Variants in DPP10 observed in about 807,000 individuals in gnomAD.
DPP10 encodes inactive dipeptidyl peptidase 10.
DPP10 carries 33 observed loss-of-function variants against 120.9 expected under a neutral mutation model. That is an observed-to-expected ratio of 0.27 (90% CI 0.21 to 0.37). The LOEUF is 0.37. DPP10 is among the 10% of genes least tolerant of loss of function. The probability of loss-of-function intolerance (pLI) is 1.00; values close to 1 mark genes in which losing one functional copy is unlikely to be tolerated. For synonymous variants in DPP10, 337 were observed against 326.1 expected, an observed-to-expected ratio of 1.03 and a Z score of -0.36; for missense variants, 816 against 942.8, an observed-to-expected ratio of 0.87 and a Z score of 1.76.
chr2:115,307,720 C>G (rs1288966748), intron 1 of DPP10, among the ~76,000 whole-genome samples: 1 of 152,084 alleles, frequency 6.6e-6, no homozygotes, highest in Non-Finnish European at 1.5e-5. Context: ...CACACACATT[C>G]TAACAAAGAA....
At chr2:115,419,363 G>A (rs1001089225) in intron 3 of DPP10, among the ~76,000 whole-genome samples, 5 of 152,220 alleles carry the variant, frequency 3.3e-5, no homozygotes, top group Admixed American at 3.3e-4. Flanking sequence ...GTCTCAGAAA[G>A]TTTTCAGTCA....
At chr2:115,623,919 G>A (rs2085167191) in intron 5 of DPP10, among the ~76,000 whole-genome samples, 1 of 147,356 alleles carries the variant, frequency 6.8e-6, no homozygotes, top group South Asian at 2.1e-4. Context: ...CAGATGAAAA[G>A]ATTCTTAAAA....
intron 1 of DPP10, among the ~76,000 whole-genome samples, chr2:114,683,139 C>T (rs1359449721): frequency 6.6e-6 from 1 of 151,844 alleles, no homozygotes; most frequent in African/African-American, 2.4e-5. Flanking sequence ...CATACCTTAT[C>T]GAGGTACAAT....
chr2:114,874,889 A>C (rs1418610348), intron 1 of DPP10, among the ~76,000 whole-genome samples: 1 of 152,082 alleles, frequency 6.6e-6, no homozygotes, highest in African/African-American at 2.4e-5. Context: ...GTATTTAGCC[A>C]CCTATTCCTA....
intron 1 of DPP10, among the ~76,000 whole-genome samples, chr2:114,447,048 T>G (rs1558767396): frequency 6.6e-6 from 1 of 151,354 alleles, no homozygotes; most frequent in Non-Finnish European, 1.5e-5. Flanking sequence ...TTTTTTTTTT[T>G]TTTTGAGACG....
intron 1 of DPP10, among the ~76,000 whole-genome samples, chr2:114,992,029 A>C (rs1196972950): frequency 6.6e-6 from 1 of 152,234 alleles, no homozygotes; most frequent in African/African-American, 2.4e-5. Context: ...AAACTAACTC[A>C]TGCCTCATAG....
intron 1 of DPP10, among the ~76,000 whole-genome samples, chr2:114,999,517 G>A (rs1378089525): frequency 1.3e-5 from 2 of 152,072 alleles, no homozygotes; most frequent in Admixed American, 6.6e-5. Context: ...GATTGGCCCC[G>A]AGTACCTTTC....
chr2:115,685,469 A>G (rs2090937527), intron 5 of DPP10, among the ~76,000 whole-genome samples: 1 of 151,990 alleles, frequency 6.6e-6, no homozygotes. Context: ...GTTGCACCGA[A>G]TGGAACATAA....
At chr2:115,095,341 A>G (rs1202781557) in intron 1 of DPP10, among the ~76,000 whole-genome samples, 3 of 152,160 alleles carry the variant, frequency 2.0e-5, no homozygotes, top group Admixed American at 2.0e-4. Flanking sequence ...AGAAGATCTC[A>G]TCCCTGGTAA....
intron 1 of DPP10, among the ~76,000 whole-genome samples, chr2:114,782,066 G>T (rs1295857843): frequency 6.6e-6 from 1 of 152,004 alleles, no homozygotes; most frequent in Non-Finnish European, 1.5e-5. Flanking sequence ...AACAATGGAA[G>T]AAATTAAAGA....
At chr2:114,878,262 A>G (rs1574400068) in intron 1 of DPP10, among the ~76,000 whole-genome samples, 1 of 152,212 alleles carries the variant, frequency 6.6e-6, no homozygotes, top group East Asian at 1.9e-4. Flanking sequence ...CTAAAGATCC[A>G]TTATACACTC....
chr2:114,991,951 C>A (rs1277843220), intron 1 of DPP10, among the ~76,000 whole-genome samples: 1 of 152,182 alleles, frequency 6.6e-6, no homozygotes, highest in Non-Finnish European at 1.5e-5. Context: ...GAACAGACCA[C>A]CCAACACCTA....
chr2:114,498,561 T>G (rs1444612143), intron 1 of DPP10, among the ~76,000 whole-genome samples: 1 of 152,212 alleles, frequency 6.6e-6, no homozygotes, highest in East Asian at 1.9e-4. Flanking sequence ...GTCCAAGGTA[T>G]GATGCCCATA....
intron 11 of DPP10, among the ~76,000 whole-genome samples, chr2:115,753,580 T>C (rs1169009832): frequency 6.6e-6 from 1 of 152,164 alleles, no homozygotes; most frequent in Non-Finnish European, 1.5e-5. Context: ...TTAGCTTCTT[T>C]CTCAGATATG....
At chr2:115,534,578 C>G (rs1275528863) in intron 5 of DPP10, among the ~76,000 whole-genome samples, 2 of 152,008 alleles carry the variant, frequency 1.3e-5, no homozygotes, top group Non-Finnish European at 2.9e-5. Flanking sequence ...CATACGTGTG[C>G]ATGTGTCTTT....
intron 1 of DPP10, among the ~76,000 whole-genome samples, chr2:114,605,252 A>G (rs1692693713): frequency 6.6e-6 from 1 of 152,084 alleles, no homozygotes. Flanking sequence ...GTACAAATAC[A>G]GTTAACCCTT....
intron 1 of DPP10, among the ~76,000 whole-genome samples, chr2:115,119,484 G>A (rs1221530959): frequency 2.6e-5 from 4 of 152,244 alleles, no homozygotes; most frequent in African/African-American, 4.8e-5. Context: ...TGTCCTGCTC[G>A]AGTATGCCTA....
At chr2:115,354,743 C>T (rs975380285) in intron 3 of DPP10, among the ~76,000 whole-genome samples, 1 of 151,856 alleles carries the variant, frequency 6.6e-6, no homozygotes, top group African/African-American at 2.4e-5. Flanking sequence ...TTGTTCCCCT[C>T]CCTGTGTCCA....
At chr2:114,878,170 C>T (rs1691309153) in intron 1 of DPP10, among the ~76,000 whole-genome samples, 1 of 151,952 alleles carries the variant, frequency 6.6e-6, no homozygotes, top group East Asian at 1.9e-4. Context: ...AAACATTTGC[C>T]AAGTGTGAAA....
Sources: allele counts gnomAD v4.1 joint callset (sites outside exome capture counted in the v4.1 genomes callset), GRCh38; gene constraint gnomAD v4.1.1; transcripts MANE v1.5; gene names NCBI Gene and HGNC (gene_info 2026-07-23, HGNC 2026-07-21).